Variants in RARB observed in about 807,000 individuals in gnomAD.
The protein encoded by RARB is HBV-activated protein.
A neutral mutation model predicts 51.9 loss-of-function variants in RARB; 17 were observed. The ratio of observed to expected loss-of-function variants is 0.33; its 90% CI spans 0.22 to 0.49. The LOEUF (loss-of-function observed/expected upper bound fraction) is 0.49. RARB is among the 20% of genes least tolerant of loss of function. The pLI is 0.99. For missense variants in RARB, 369 were observed against 550.8 expected, an observed-to-expected ratio of 0.67 and a Z score of 3.30; for synonymous variants, 215 against 195.4, an observed-to-expected ratio of 1.10 and a Z score of -0.84.
Position 25,237,685 on chromosome 3 carries a change from A to G in RARB, c.178+63110A>G, listed in dbSNP as rs113995448. On this transcript the variant is annotated intron_variant, in intron 5 of 11. Transcript: ENST00000383772. ...CCCATCATCACTATCTAATTCCAGA[A>G]CATGTTATATCACCCCAAAAAGAAA... 5.6e-3 allele frequency among the ~76,000 whole-genome samples: 853 copies of G among 152,204 alleles called. 15 individuals carry two copies. Among genetic ancestry groups the G allele is most frequent in the African/African-American group, 0.018 (755 of 41,550 alleles).
intron 5 of RARB, among the ~76,000 whole-genome samples, chr3:25,225,897 C>T (rs1178800571): frequency 6.6e-6 from 1 of 152,144 alleles, no homozygotes; most frequent in Non-Finnish European, 1.5e-5. Context: ...GCACCCATTA[C>T]AGATTTTTGC....
At chr3:25,476,655 A>G (rs1293435983) in intron 2 of RARB, among the ~76,000 whole-genome samples, 5 of 152,068 alleles carry the variant, frequency 3.3e-5, no homozygotes, top group Non-Finnish European at 5.9e-5. Flanking sequence ...GGCACCTGCT[A>G]TCCTTGTCTT....
chr3:25,194,709 C>A (rs974543652), intron 5 of RARB, among the ~76,000 whole-genome samples: 1 of 151,002 alleles, frequency 6.6e-6, no homozygotes, highest in Non-Finnish European at 1.5e-5. Flanking sequence ...TGTTTATTGA[C>A]CAGAAGAATG....
intron 5 of RARB, among the ~76,000 whole-genome samples, chr3:25,298,098 G>T (rs1047040006): frequency 1.3e-5 from 2 of 151,962 alleles, no homozygotes; most frequent in Admixed American, 6.6e-5. Flanking sequence ...AGGGTAGGGG[G>T]AATAGTATTT....
Position 25,428,860 on chromosome 3 carries a change from C to G in RARB, c.129C>G (p.Thr43=), listed in dbSNP as rs201745230. ...CATGCTTCAGTGGATTGACCCAAACCGAATGGCAGCATCGGCACACTGCTC... is the reference window on the plus strand; with the variant it reads ...CATGCTTCAGTGGATTGACCCAAACGGAATGGCAGCATCGGCACACTGCTC... ...LKACFSGLTQ[T]EWQHRHTAQS... The change falls in exon 1 of 8, where the codon ACC becomes ACG. Residue 43 remains threonine (T), a synonymous_variant. Transcript: ENST00000330688. 2.5e-6 allele frequency: 4 copies of G among 1,613,056 alleles called. No individual in the cohort carries two copies. The South Asian group carries it at 4.4e-5, about 18-fold the overall frequency.
intron 5 of RARB, among the ~76,000 whole-genome samples, chr3:25,195,681 A>G (rs555586070): frequency 6.6e-6 from 1 of 152,160 alleles, no homozygotes; most frequent in African/African-American, 2.4e-5. Context: ...AGTGGACTGT[A>G]TTTTGCCATT....
At chr3:25,119,996 C>A (rs2125328848) in intron 3 of RARB, among the ~76,000 whole-genome samples, 2 of 152,216 alleles carry the variant, frequency 1.3e-5, no homozygotes, top group African/African-American at 4.8e-5. Flanking sequence ...GAGTGCCCCC[C>A]AGCTCCAAGG....
intron 2 of RARB, among the ~76,000 whole-genome samples, chr3:24,935,452 G>A (rs1695529808): frequency 6.6e-6 from 1 of 152,096 alleles, no homozygotes; most frequent in African/African-American, 2.4e-5. Context: ...GTTACTTTGT[G>A]TCTGAGCCTT....
intron 2 of RARB, among the ~76,000 whole-genome samples, chr3:24,966,011 C>T (rs1282412157): frequency 6.6e-6 from 1 of 152,018 alleles, no homozygotes; most frequent in Non-Finnish European, 1.5e-5. Context: ...GTCACATTGG[C>T]CTGGTTAGCC....
intron 2 of RARB, among the ~76,000 whole-genome samples, chr3:25,467,109 A>C (rs896571909): frequency 7.9e-5 from 12 of 152,062 alleles, no homozygotes; most frequent in Non-Finnish European, 1.6e-4. Flanking sequence ...TTCCAATCAC[A>C]CTCAAATCCC....
At chr3:24,902,521 G>C (rs1703629646) in intron 2 of RARB, among the ~76,000 whole-genome samples, 1 of 152,146 alleles carries the variant, frequency 6.6e-6, no homozygotes, top group South Asian at 2.1e-4. Flanking sequence ...GACAACGTGA[G>C]GATGATAAAA....
At chr3:25,431,489 C>T (rs547167502) in intron 1 of RARB, among the ~76,000 whole-genome samples, 23 of 152,194 alleles carry the variant, frequency 1.5e-4, no homozygotes, top group African/African-American at 5.3e-4. Context: ...GGAATGTGGT[C>T]TAAATATTAC....
chr3:25,398,636 G>A (rs1015694405), intron 5 of RARB, among the ~76,000 whole-genome samples: 1 of 152,144 alleles, frequency 6.6e-6, no homozygotes, highest in Non-Finnish European at 1.5e-5. Flanking sequence ...ACCAAGCCCT[G>A]TTTCTTCTCC....
intron 4 of RARB, among the ~76,000 whole-genome samples, chr3:25,140,795 C>T (rs1470238849): frequency 6.6e-6 from 1 of 152,118 alleles, no homozygotes; most frequent in Non-Finnish European, 1.5e-5. Flanking sequence ...GAAATTGCCA[C>T]AGCCACCCAA....
chr3:25,104,524 G>A (rs1699462100), intron 3 of RARB, among the ~76,000 whole-genome samples: 1 of 152,032 alleles, frequency 6.6e-6, no homozygotes, highest in African/African-American at 2.4e-5. Flanking sequence ...CATATCTATA[G>A]TTCCAGCTAC....
intron 5 of RARB, among the ~76,000 whole-genome samples, chr3:25,299,210 C>G (rs1462580471): frequency 6.6e-6 from 1 of 152,102 alleles, no homozygotes; most frequent in African/African-American, 2.4e-5. Context: ...GACTTCTTAA[C>G]CTCAATTCAG....
chr3:24,919,533 T>C (rs571235974), intron 2 of RARB, among the ~76,000 whole-genome samples: 6 of 152,080 alleles, frequency 3.9e-5, no homozygotes, highest in African/African-American at 1.4e-4. Context: ...TGTACGTCAC[T>C]TTCTTTTTCT....
chr3:24,848,594 G>T (rs930129090), intron 1 of RARB, among the ~76,000 whole-genome samples: 15 of 152,138 alleles, frequency 9.9e-5, no homozygotes, highest in Non-Finnish European at 2.2e-4. Flanking sequence ...CCTCACGAAG[G>T]GTACCTCTGT....
chr3:25,367,643 C>T (rs1354188345), intron 5 of RARB, among the ~76,000 whole-genome samples: 2 of 119,992 alleles, frequency 1.7e-5, no homozygotes, highest in African/African-American at 3.4e-5. Flanking sequence ...TGGTAAAAAC[C>T]CATCTCTATA....
Sources: allele counts gnomAD v4.1 joint callset (sites outside exome capture counted in the v4.1 genomes callset), GRCh38; gene constraint gnomAD v4.1.1; transcripts MANE v1.5; gene names NCBI Gene and HGNC (gene_info 2026-07-23, HGNC 2026-07-21).